RAB29: variants seen among roughly 807,000 people sequenced by gnomAD.
The protein encoded by RAB29 is RAB29, member RAS oncogene family, also known as ras-related protein Rab-29.
A neutral mutation model predicts 25.5 loss-of-function variants in RAB29; 13 were observed. That is an observed-to-expected ratio of 0.51 (90% CI 0.33 to 0.81). The LOEUF is 0.81. Ranked by LOEUF, RAB29 falls within the 30% of genes least tolerant of loss-of-function variation. The probability of loss-of-function intolerance (pLI) is 0.02; values close to 1 mark genes in which losing one functional copy is unlikely to be tolerated. For synonymous variants in RAB29, 88 were observed against 95.0 expected (o/e 0.93, Z 0.43); for missense variants, 201 against 254.9 (o/e 0.79, Z 1.44).
At chr1:205,775,121 C>T in intron 1 of RAB29, 35 bp from the exon 2 acceptor site, 2 of 935,856 alleles carry the variant, frequency 2.1e-6, no homozygotes, top group South Asian at 3.5e-5. Context: ...GGAAACTTTG[C>T]ACTCAACCTA....
Position 205,768,896 on chromosome 1 carries a change from A to G in RAB29, c.*1446T>C, listed in dbSNP as rs1654848314. 1 of 152,186 alleles carries G rather than the reference A, an allele frequency of 6.6e-6. No individual in the cohort carries two copies. Among genetic ancestry groups the G allele is most frequent in the African/African-American group, 2.4e-5 (1 of 41,444 alleles). 9.4% of individuals were successfully genotyped at this position (152,186 alleles called of 1,614,324 possible). A position where few individuals can be genotyped will look rare whatever the true frequency, so the allele number is the denominator to read the frequency against. On this transcript the variant is annotated 3_prime_UTR_variant, in exon 6 of 6. Coordinates refer to ENST00000367139, the MANE Select transcript of RAB29 (RefSeq NM_003929.3). ...TTAACAAACTTCCCAGGTATTCCCG[A>G]CCAGCCAGATTTGGGAACCACTGAC...
chr1:205,772,717 TC>T, intron 2 of RAB29, 150 bp from the exon 3 acceptor site: 1 of 740,724 alleles, frequency 1.4e-6, no homozygotes, highest in Non-Finnish European at 2.4e-6. Context: ...CTGAGATGAG[TC>T]CACATGCGTG....
At chr1:205,773,392 T>C (rs1655124671) in intron 2 of RAB29, among the ~76,000 whole-genome samples, 1 of 152,242 alleles carries the variant, frequency 6.6e-6, no homozygotes, top group Non-Finnish European at 1.5e-5. Flanking sequence ...TAACTATTAA[T>C]AGCAGGCCAC....
At chr1:205,775,192 C>T in intron 1 of RAB29, 81 bp downstream of exon 1, 2 of 504,008 alleles carry the variant, frequency 4.0e-6, no homozygotes, top group South Asian at 2.3e-5. Context: ...AGCTCCGAGC[C>T]CCCGGCTGTT....
At chr1:205,771,944 CGCT>C (rs1655047176) in intron 3 of RAB29, among the ~76,000 whole-genome samples, 1 of 100,328 alleles carries the variant, frequency 1.0e-5, no homozygotes, top group Non-Finnish European at 2.0e-5. Flanking sequence ...TAAAAGCAGT[CGCT>C]TTTTTTTTTT....
At position 205,771,468 on chromosome 1, in the gene RAB29, A is replaced by C. The variant is rs182462289; in HGVS notation, c.378+4T>G. On this transcript the variant is annotated splice_donor_region_variant and intron_variant, in intron 4 of 5. Transcript: ENST00000367139. ...GGGACCATTTTCTGAGATTGGCCACATACCTTGTTGGCCAAGAGCAGGCAG... is the reference window on the plus strand; with the variant it reads ...GGGACCATTTTCTGAGATTGGCCACCTACCTTGTTGGCCAAGAGCAGGCAG... 3 of 1,613,678 alleles carry C rather than the reference A, an allele frequency of 1.9e-6. No homozygotes were observed. The highest frequency in any genetic ancestry group is 1.3e-5 in the African/African-American group (1 of 75,036).
At chr1:205,774,410 C>T (rs1446535638) in intron 2 of RAB29, among the ~76,000 whole-genome samples, 1 of 152,204 alleles carries the variant, frequency 6.6e-6, no homozygotes. Flanking sequence ...AACAGAGGGG[C>T]AGGACTACAG....
At chr1:205,774,794 C>CGCCGG in intron 2 of RAB29, 39 bp downstream of exon 2, 7 of 1,419,270 alleles carry the variant, frequency 4.9e-6, no homozygotes, top group African/African-American at 1.4e-5. Flanking sequence ...TCGGGGCCTC[C>CGCCGG]TCCTCCCCCT....
At position 205,770,115 on chromosome 1, in the gene RAB29, G is replaced by A. The variant is rs1654912188; in HGVS notation, c.*227C>T. ...CTGATGAGAAGATCTTACACCGAAG[G>A]CACTAACTGGCACTAATGTGAGCCA... is the stretch of plus-strand genomic sequence containing the variant. On this transcript the variant is annotated 3_prime_UTR_variant, in exon 6 of 6. Coordinates refer to ENST00000367139, the MANE Select transcript of RAB29 (RefSeq NM_003929.3). 1.7e-6 allele frequency: 1 copy of A among 573,200 alleles called. No homozygotes were observed. The highest frequency in any genetic ancestry group is 1.9e-5 in the African/African-American group (1 of 53,486). 35.5% of individuals were successfully genotyped at this position (573,200 alleles called of 1,614,324 possible). A position where few individuals can be genotyped will look rare whatever the true frequency, so the allele number is the denominator to read the frequency against.
chr1:205,770,559 T>A, intron 5 of RAB29, 106 bp from the exon 6 acceptor site: 1 of 1,403,956 alleles, frequency 7.1e-7, no homozygotes, highest in South Asian at 1.2e-5. Flanking sequence ...GCCAGAAGGT[T>A]TAAATGCCCC....
Position 205,769,039 on chromosome 1 carries a change from G to A in RAB29, c.*1303C>T, listed in dbSNP as rs891348569. 1.2e-4 allele frequency: 18 copies of A among 152,114 alleles called. No individual in the cohort carries two copies. Among genetic ancestry groups the A allele is most frequent in the Non-Finnish European group, 2.2e-4 (15 of 67,996 alleles). 9.4% of individuals were successfully genotyped at this position (152,114 alleles called of 1,614,324 possible). On this transcript the variant is annotated 3_prime_UTR_variant, in exon 6 of 6. Transcript: ENST00000367139. ...CTAGAGATAATTTAACAAATTAAAT[G>A]GTCTAGTAGTGATTTGATACTAAAA...
In RAB29 at chr1:205,774,813, C is replaced by G. The variant is rs1168252229; in HGVS notation, c.124+20G>C. 10 of 1,560,248 alleles carry G rather than the reference C, an allele frequency of 6.4e-6. No homozygotes were observed. Among genetic ancestry groups the G allele is most frequent in the Non-Finnish European group, 8.7e-6 (10 of 1,148,186 alleles). ...GGCCTCCTCCTCCCCCTCCCCCTCC[C>G]CACCCCCGAGACGTCTCACCTCCCA... On this transcript the variant is annotated intron_variant, in intron 2 of 5. Coordinates refer to ENST00000367139, the MANE Select transcript of RAB29 (RefSeq NM_003929.3).
intron 2 of RAB29, 42 bp downstream of exon 2, chr1:205,774,791 C>CACCACCA: frequency 6.8e-7 from 1 of 1,468,884 alleles, no homozygotes; most frequent in Non-Finnish European, 9.3e-7. Flanking sequence ...CGGTCGGGGC[C>CACCACCA]TCCTCCTCCC....
rs1654850205 is a variant in RAB29 at position 205,768,936 on chromosome 1, T to C, written c.*1406A>G. On this transcript the variant is annotated 3_prime_UTR_variant, in exon 6 of 6. Transcript: ENST00000367139. ...GAACCACTGACTTAGGACACTTATTTAAGGTCTATCACAGAACTTCAGGCC... is the reference window on the plus strand; with the variant it reads ...GAACCACTGACTTAGGACACTTATTCAAGGTCTATCACAGAACTTCAGGCC... The C allele has an allele frequency of 6.6e-6, 1 of 152,180 alleles. No homozygotes were observed. The highest frequency in any genetic ancestry group is 6.6e-5 in the Admixed American group (1 of 15,266). 9.4% of individuals were successfully genotyped at this position (152,180 alleles called of 1,614,324 possible).
In RAB29 at chr1:205,770,062, CA is replaced by C; in HGVS notation, c.*279del. ...GCAGGTGCTGATTTCTAATCCTTCT[CA>C]TAAAATTCCGGATCACAAATTGAGG... On this transcript the variant is annotated 3_prime_UTR_variant, in exon 6 of 6. Transcript: ENST00000367139. The C allele has an allele frequency of 2.1e-6, 1 of 474,944 alleles. No homozygotes were observed. The highest frequency in any genetic ancestry group is 2.6e-5 in the South Asian group (1 of 39,108). The allele number at this position is 474,944 out of a possible 1,614,324, so 29.4% of individuals were successfully genotyped here.
chr1:205,774,566 C>T (rs1655201634), intron 2 of RAB29, among the ~76,000 whole-genome samples: 1 of 152,214 alleles, frequency 6.6e-6, no homozygotes, highest in Non-Finnish European at 1.5e-5. Flanking sequence ...CTCATCCTCC[C>T]TTCCCTATTT....
intron 2 of RAB29, 144 bp downstream of exon 2, chr1:205,774,689 T>C: frequency 1.2e-6 from 1 of 864,122 alleles, no homozygotes; most frequent in Non-Finnish European, 1.8e-6. Flanking sequence ...AATTACACCA[T>C]CTAGGTTCCC....
chr1:205,773,208 T>TG (rs1655112684), intron 2 of RAB29, among the ~76,000 whole-genome samples: 2 of 152,214 alleles, frequency 1.3e-5, no homozygotes, highest in Non-Finnish European at 2.9e-5. Flanking sequence ...AAGTATTCCA[T>TG]GGGGAAAGCC....
chr1:205,773,438 T>C (rs1363934398), intron 2 of RAB29, among the ~76,000 whole-genome samples: 1 of 152,146 alleles, frequency 6.6e-6, no homozygotes. Flanking sequence ...GACCCTTATA[T>C]TATTTAGGAG....
Sources: allele counts gnomAD v4.1 joint callset (sites outside exome capture counted in the v4.1 genomes callset), GRCh38; gene constraint gnomAD v4.1.1; transcripts MANE v1.5; gene names NCBI Gene and HGNC (gene_info 2026-07-23, HGNC 2026-07-21).